The following ASPH variants were observed in gnomAD, a reference collection of about 807,000 sequenced individuals.
ASPH encodes the protein aspartyl/asparaginyl beta-hydroxylase.
A neutral mutation model predicts 118.4 loss-of-function variants in ASPH; 100 were observed. The ratio of observed to expected loss-of-function variants is 0.84; its 90% CI spans 0.72 to 1.00. The LOEUF is 1.00. Ranked by LOEUF, ASPH falls within the 50% of genes least tolerant of loss-of-function variation. ASPH has a pLI of 0.00. For missense variants in ASPH, 920 were observed against 919.5 expected (o/e 1.00, Z -0.01); for synonymous variants, 315 against 325.6 (o/e 0.97, Z 0.35).
intron 15 of ASPH, among the ~76,000 whole-genome samples, chr8:61,582,169 G>T (rs1043286686): frequency 6.6e-6 from 1 of 152,196 alleles, no homozygotes; most frequent in Non-Finnish European, 1.5e-5. Flanking sequence ...TGTATATGGG[G>T]CTACTTCTTC....
At chr8:61,518,270 G>C (rs1276586494) in intron 22 of ASPH, 147 bp from the exon 23 acceptor site, 11 of 655,852 alleles carry the variant, frequency 1.7e-5, no homozygotes, top group Non-Finnish European at 2.5e-5. Context: ...AATGCAAAAG[G>C]CTTATTGGAA....
chr8:61,689,845 T>G (rs1401919984), intron 1 of ASPH: 35 of 1,385,548 alleles, frequency 2.5e-5, no homozygotes, highest in Non-Finnish European at 3.2e-5. Context: ...CCTCTAGAAC[T>G]GAAATTGGAC....
At chr8:61,668,173 T>A in intron 3 of ASPH, 1 of 1,453,322 alleles carries the variant, frequency 6.9e-7, no homozygotes, top group Non-Finnish European at 9.6e-7. Flanking sequence ...CCAGAAAATG[T>A]CATGCATTTT....
intron 1 of ASPH, among the ~76,000 whole-genome samples, chr8:61,692,425 A>G (rs1390977119): frequency 4.6e-5 from 7 of 152,214 alleles, no homozygotes; most frequent in Non-Finnish European, 2.9e-5. Context: ...CACTAAGTTA[A>G]CTATTCCTTG....
chr8:61,616,621 A>G (rs1849124519), intron 14 of ASPH, among the ~76,000 whole-genome samples: 1 of 152,176 alleles, frequency 6.6e-6, no homozygotes, highest in Non-Finnish European at 1.5e-5. Flanking sequence ...GACTTTCTCT[A>G]ACTGTATCTT....
chr8:61,668,677 T>C (rs1820902538), intron 3 of ASPH, among the ~76,000 whole-genome samples: 2 of 152,136 alleles, frequency 1.3e-5, no homozygotes, highest in Admixed American at 6.5e-5. Flanking sequence ...ACACTTGCCA[T>C]CCAAAAAAGG....
chr8:61,639,779 C>T (rs182299950), intron 10 of ASPH, among the ~76,000 whole-genome samples: 1 of 152,126 alleles, frequency 6.6e-6, no homozygotes, highest in Non-Finnish European at 1.5e-5. Flanking sequence ...TCAAAGAAAT[C>T]TCACTATCAT....
intron 3 of ASPH, among the ~76,000 whole-genome samples, chr8:61,677,882 C>T (rs1033881349): frequency 3.9e-5 from 6 of 152,114 alleles, no homozygotes; most frequent in Non-Finnish European, 7.4e-5. Context: ...GACAGATGAC[C>T]ATATGCAACG....
intron 22 of ASPH, among the ~76,000 whole-genome samples, chr8:61,519,512 A>T (rs977784971): frequency 4.6e-5 from 7 of 152,210 alleles, no homozygotes; most frequent in Admixed American, 3.3e-4. Flanking sequence ...CTCCCAAAAG[A>T]TGTCCATACC....
At chr8:61,704,811 G>A (rs1341753456) in intron 1 of ASPH, among the ~76,000 whole-genome samples, 1 of 152,090 alleles carries the variant, frequency 6.6e-6, no homozygotes, top group Non-Finnish European at 1.5e-5. Flanking sequence ...AAATTAAAAA[G>A]ACTGACACCA....
At chr8:61,577,438 TA>T in intron 15 of ASPH, among the ~76,000 whole-genome samples, 1 of 100,416 alleles carries the variant, frequency 1.0e-5, no homozygotes, top group East Asian at 2.8e-4. Context: ...AGACACCTGA[TA>T]AATGATGTAA....
intron 1 of ASPH, among the ~76,000 whole-genome samples, chr8:61,686,273 A>G (rs930244499): frequency 3.3e-5 from 5 of 152,198 alleles, no homozygotes; most frequent in Non-Finnish European, 5.9e-5. Flanking sequence ...TTGCAGATTA[A>G]ATCAACTTCA....
Position 61,643,411 on chromosome 8 carries a change from T to G in ASPH, c.732A>C (p.Glu244Asp), listed in dbSNP as rs138586020. Reference protein sequence around the residue: ...ENPDSSEPVVEDERLHHDTDD... With the variant: ...ENPDSSEPVVDDERLHHDTDD... ...CTGTATCATGGTGCAATCTTTCATCTTCTACTACTGGTTCACTGGAATCTA... is the reference window on the plus strand; with the variant it reads ...CTGTATCATGGTGCAATCTTTCATCGTCTACTACTGGTTCACTGGAATCTA... Residue 244 changes from glutamate (E) to aspartate (D), a missense_variant, in exon 9 of 25, where the codon GAA (glutamate) becomes GAC (aspartate). Physicochemically the swap from Glu to Asp is conservative, Grantham distance 45. Transcript: ENST00000379454. 3.1e-5 allele frequency: 50 copies of G among 1,605,452 alleles called. No homozygotes were observed. Among genetic ancestry groups the G allele is most frequent in the Non-Finnish European group, 4.0e-5 (47 of 1,179,612 alleles).
At chr8:61,613,479 G>C (rs1848094021) in intron 14 of ASPH, among the ~76,000 whole-genome samples, 1 of 152,100 alleles carries the variant, frequency 6.6e-6, no homozygotes, top group Admixed American at 6.5e-5. Flanking sequence ...TTAATATAAG[G>C]GGATAAGGGT....
At chr8:61,508,066 G>A (rs1485975071) in intron 24 of ASPH, among the ~76,000 whole-genome samples, 1 of 152,064 alleles carries the variant, frequency 6.6e-6, no homozygotes, top group East Asian at 1.9e-4. Context: ...CCAGGCTGGA[G>A]TGTGGTGGCA....
At chr8:61,678,736 C>A (rs978687932) in intron 3 of ASPH, among the ~76,000 whole-genome samples, 2 of 152,114 alleles carry the variant, frequency 1.3e-5, no homozygotes, top group African/African-American at 4.8e-5. Flanking sequence ...CTCCTCTTAT[C>A]TCTGATTTCC....
intron 1 of ASPH, among the ~76,000 whole-genome samples, chr8:61,696,843 A>T (rs1241903078): frequency 6.6e-6 from 1 of 152,214 alleles, no homozygotes; most frequent in East Asian, 1.9e-4. Context: ...TACAATGAAT[A>T]AAAAAGGTTA....
chr8:61,506,027 T>C (rs1806413794), intron 24 of ASPH, among the ~76,000 whole-genome samples: 1 of 152,180 alleles, frequency 6.6e-6, no homozygotes, highest in African/African-American at 2.4e-5. Context: ...TGCACCTATG[T>C]TCACAGCAGC....
chr8:61,625,081 C>T (rs2150593491), intron 13 of ASPH: 1 of 985,606 alleles, frequency 1.0e-6, no homozygotes, highest in South Asian at 4.7e-5. Flanking sequence ...CAAGAGCTAC[C>T]CCTAATATAT....
Sources: allele counts gnomAD v4.1 joint callset (sites outside exome capture counted in the v4.1 genomes callset), GRCh38; gene constraint gnomAD v4.1.1; transcripts MANE v1.5; gene names NCBI Gene and HGNC (gene_info 2026-07-23, HGNC 2026-07-21).